Variants in EPB41L5 observed in about 807,000 individuals in gnomAD.
The protein encoded by EPB41L5 is erythrocyte membrane protein band 4.1 like 5.
Under a neutral mutation model 106.6 loss-of-function variants are expected in EPB41L5, and 55 were observed. The ratio of observed to expected loss-of-function variants is 0.52; its 90% CI spans 0.42 to 0.65. EPB41L5 has a LOEUF of 0.65. Among genes scored for constraint, EPB41L5 ranks in the 30% least tolerant of loss-of-function variants. EPB41L5 has a pLI of 0.00. For missense variants in EPB41L5, 871 were observed against 882.1 expected, an observed-to-expected ratio of 0.99 and a Z score of 0.16; for synonymous variants, 297 against 306.7, an observed-to-expected ratio of 0.97 and a Z score of 0.33.
At chr2:120,104,742 A>G (rs1684349970) in intron 16 of EPB41L5, 1 of 914,440 alleles carries the variant, frequency 1.1e-6, no homozygotes, top group African/African-American at 1.8e-5. Flanking sequence ...CCTTAATTTA[A>G]GTGCCTAAGA....
At chr2:120,061,245 C>T (rs1322361003) in intron 3 of EPB41L5, among the ~76,000 whole-genome samples, 2 of 138,908 alleles carry the variant, frequency 1.4e-5, no homozygotes, top group East Asian at 2.1e-4. Flanking sequence ...TTTTTTGAGA[C>T]GGAGTCTCGC....
intron 21 of EPB41L5, 104 bp from the exon 22 acceptor site, chr2:120,164,732 T>TAATC: frequency 1.4e-6 from 1 of 703,670 alleles, no homozygotes; most frequent in Non-Finnish European, 2.4e-6. Context: ...GGATTAACAC[T>TAATC]AATCAGGCCT....
At chr2:120,167,611 A>G in intron 23 of EPB41L5, 104 bp downstream of exon 23, 2 of 1,271,828 alleles carry the variant, frequency 1.6e-6, no homozygotes, top group Non-Finnish European at 2.3e-6. Flanking sequence ...GAGGGTTGTT[A>G]TCAAAGCCTT....
At position 120,178,847 on chromosome 2, in the gene EPB41L5, A is replaced by G. The variant is rs1688003325; in HGVS notation, c.*3940A>G. The G allele has an allele frequency of 6.6e-6, 1 of 152,108 alleles. No individual in the cohort carries two copies. Among genetic ancestry groups the G allele is most frequent in the African/African-American group, 2.4e-5 (1 of 41,398 alleles). The allele number at this position is 152,108 out of a possible 1,614,324, so 9.4% of individuals were successfully genotyped here. On this transcript the variant is annotated 3_prime_UTR_variant, in exon 25 of 25. Coordinates refer to ENST00000263713, the MANE Select transcript of EPB41L5 (RefSeq NM_020909.4). Reference sequence around the variant, plus strand: ...CTCCTCTTCAGAGAGATTTTTTTTTATAGCACAGATTCCTTTGCCCCTTTT... The same window carrying G: ...CTCCTCTTCAGAGAGATTTTTTTTTGTAGCACAGATTCCTTTGCCCCTTTT...
At position 120,175,947 on chromosome 2, in the gene EPB41L5, A is replaced by T. The variant is rs1249792755; in HGVS notation, c.*1040A>T. On this transcript the variant is annotated 3_prime_UTR_variant, in exon 25 of 25. Coordinates refer to ENST00000263713, the MANE Select transcript of EPB41L5 (RefSeq NM_020909.4). The stretch of plus-strand genomic sequence containing the variant: ...AAGGGATGTTGTTTCTTAAATACCT[A>T]CCATGTATGAAGCTATACACAGCAT... 6.6e-6 allele frequency: 1 copy of T among 152,306 alleles called. No homozygotes were observed. Among genetic ancestry groups the T allele is most frequent in the East Asian group, 1.9e-4 (1 of 5,200 alleles). 9.4% of individuals were successfully genotyped at this position (152,306 alleles called of 1,614,324 possible). A position where few individuals can be genotyped will look rare whatever the true frequency, so the allele number is the denominator to read the frequency against.
At chr2:120,037,906 A>G (rs1020739812) in intron 2 of EPB41L5, among the ~76,000 whole-genome samples, 5 of 152,226 alleles carry the variant, frequency 3.3e-5, no homozygotes, top group Non-Finnish European at 5.9e-5. Context: ...AAGATGGCTC[A>G]AAGACATAGA....
intron 16 of EPB41L5, among the ~76,000 whole-genome samples, chr2:120,121,749 C>A (rs1268016140): frequency 2.0e-5 from 3 of 152,132 alleles, no homozygotes; most frequent in Non-Finnish European, 1.5e-5. Flanking sequence ...AGTTCTAGAT[C>A]TTTGAGGAAT....
chr2:120,089,469 C>T (rs994772464), intron 11 of EPB41L5, among the ~76,000 whole-genome samples: 1 of 151,974 alleles, frequency 6.6e-6, no homozygotes, highest in African/African-American at 2.4e-5. Context: ...TTGCAGCTTG[C>T]CTGTTTTATC....
At chr2:120,157,220 A>C (rs1480329267) in intron 20 of EPB41L5, among the ~76,000 whole-genome samples, 1 of 152,200 alleles carries the variant, frequency 6.6e-6, no homozygotes, top group Non-Finnish European at 1.5e-5. Flanking sequence ...GGCAGAAGTC[A>C]AGAAGTTACT....
At position 120,121,687 on chromosome 2, in the gene EPB41L5, A is replaced by C. The variant is rs151260554; in HGVS notation, c.1338-6001A>C. ...TGTCTTTATAGTAGCATGATTTATA[A>C]TCCTTTGGGTATATACCCAGTAATG... On this transcript the variant is annotated intron_variant, in intron 16 of 24. Transcript: ENST00000263713. Among the ~76,000 whole-genome samples the C allele has an allele frequency of 7.1e-4, 108 of 152,324 alleles. 1 individual carries two copies. The highest frequency in any genetic ancestry group is 4.6e-3 in the East Asian group (24 of 5,186).
At chr2:120,100,150 A>C (rs1684042539) in intron 14 of EPB41L5, 94 bp from the exon 15 acceptor site, 2 of 894,750 alleles carry the variant, frequency 2.2e-6, no homozygotes, top group Non-Finnish European at 3.4e-6. Flanking sequence ...AATATCTTTA[A>C]AATAAATATT....
At chr2:120,155,344 G>T (rs1408290067) in intron 20 of EPB41L5, among the ~76,000 whole-genome samples, 1 of 152,166 alleles carries the variant, frequency 6.6e-6, no homozygotes, top group Non-Finnish European at 1.5e-5. Context: ...CTTCTGGTCT[G>T]CATGGTTTCT....
intron 2 of EPB41L5, among the ~76,000 whole-genome samples, chr2:120,022,340 C>CA (rs1354661270): frequency 6.6e-6 from 1 of 152,020 alleles, no homozygotes; most frequent in Non-Finnish European, 1.5e-5. Context: ...CCTAACCCCC[C>CA]ACCCCCCGAC....
chr2:120,169,298 A>G (rs1045647732), intron 24 of EPB41L5, among the ~76,000 whole-genome samples: 2 of 152,214 alleles, frequency 1.3e-5, no homozygotes, highest in African/African-American at 4.8e-5. Flanking sequence ...TGGGGAAAAA[A>G]TAATAATCTT....
At position 120,013,207 on chromosome 2, in the gene EPB41L5, T is replaced by G. The variant is rs1248630023; in HGVS notation, c.-12T>G. 6.6e-6 allele frequency: 1 copy of G among 151,878 alleles called. No individual in the cohort carries two copies. The highest frequency in any genetic ancestry group is 6.5e-5 in the Admixed American group (1 of 15,272). 9.4% of individuals were successfully genotyped at this position (151,878 alleles called of 1,614,324 possible). A position where few individuals can be genotyped will look rare whatever the true frequency, so the allele number is the denominator to read the frequency against. ...TCGCCGGGGCTGCGCCGTCCCCAGC[T>G]CAGGTAAGCGCGAGGCCCGGCGGCG... On this transcript the variant is annotated 5_prime_UTR_variant, in exon 1 of 25. Transcript: ENST00000263713.
Position 120,038,162 on chromosome 2 carries a change from ACTC to A in EPB41L5, c.181-3841_181-3839del, listed in dbSNP as rs551029539. 1.9e-3 allele frequency among the ~76,000 whole-genome samples: 283 copies of A among 152,272 alleles called. 1 individual carries two copies. Among genetic ancestry groups the A allele is most frequent in the African/African-American group, 6.4e-3 (267 of 41,564 alleles). ...GATTAATATCCAGAATATATAAAGA[ACTC>A]CTACAACTCAGCAACAACAACCAAA... On this transcript the variant is annotated intron_variant, in intron 2 of 24. Transcript: ENST00000263713.
chr2:120,160,810 C>A, intron 20 of EPB41L5, 71 bp from the exon 21 acceptor site: 4 of 1,074,056 alleles, frequency 3.7e-6, no homozygotes, highest in Non-Finnish European at 4.2e-6. Context: ...CTTTCCTAAG[C>A]CCTTTCTTTG....
chr2:120,081,521 A>G (rs1159392136), intron 10 of EPB41L5, among the ~76,000 whole-genome samples: 2 of 152,198 alleles, frequency 1.3e-5, no homozygotes, highest in Non-Finnish European at 2.9e-5. Flanking sequence ...GCCTTGTAAT[A>G]TAGTTTGAAG....
chr2:120,099,344 G>GT (rs34841754), intron 14 of EPB41L5, among the ~76,000 whole-genome samples: 6 of 106,516 alleles, frequency 5.6e-5, no homozygotes, highest in Admixed American at 2.0e-4. Flanking sequence ...TAGTTTCTGG[G>GT]TTTTTTTTTT....
Sources: gnomAD v4.1 joint callset for allele counts (sites outside exome capture counted in the v4.1 genomes callset) on GRCh38, gnomAD v4.1.1 for gene constraint, MANE v1.5 for transcripts, NCBI Gene and HGNC (gene_info 2026-07-23, HGNC 2026-07-21) for gene names.